The following SH3PXD2A variants were observed in gnomAD, a reference collection of about 807,000 sequenced individuals.
The protein encoded by SH3PXD2A is SH3 and PX domain-containing protein 2A.
In SH3PXD2A, 32 loss-of-function variants were observed where a neutral mutation model predicts 115.2. That is an observed-to-expected ratio of 0.28 (90% CI 0.21 to 0.37). The LOEUF (loss-of-function observed/expected upper bound fraction) is 0.37, where lower values mean the gene tolerates loss of function less well. Ranked by LOEUF, SH3PXD2A falls within the 10% of genes least tolerant of loss-of-function variation. SH3PXD2A has a pLI of 1.00. For missense variants in SH3PXD2A, 1,328 were observed against 1,498.7 expected, an observed-to-expected ratio of 0.89 and a Z score of 1.88; for synonymous variants, 610 against 629.1, an observed-to-expected ratio of 0.97 and a Z score of 0.45.
chr10:103,644,300 C>G (rs1189772964), intron 8 of SH3PXD2A, among the ~76,000 whole-genome samples: 1 of 151,844 alleles, frequency 6.6e-6, no homozygotes, highest in Non-Finnish European at 1.5e-5. Context: ...AAAGGATAGG[C>G]CAGGTGCGGT....
At chr10:103,796,341 C>T (rs753284751) in intron 2 of SH3PXD2A, among the ~76,000 whole-genome samples, 16 of 148,114 alleles carry the variant, frequency 1.1e-4, no homozygotes, top group Admixed American at 2.7e-4. Context: ...CCAGCCTGGG[C>T]GACACAGCGA....
In SH3PXD2A at chr10:103,793,999, G is replaced by T. The variant is rs532548209; in HGVS notation, c.153+7283C>A. ...CTGCAAAGTGAGGCACTTGGAATAA[G>T]AACTCCTCTAACTCTAAAAATGCAA... On this transcript the variant is annotated intron_variant, in intron 2 of 14. Coordinates refer to ENST00000369774, the MANE Select transcript of SH3PXD2A (RefSeq NM_001394015.1). 1.7e-3 allele frequency among the ~76,000 whole-genome samples: 265 copies of T among 152,278 alleles called. 7 individuals are homozygous for T. The highest frequency in any genetic ancestry group is 0.013 in the South Asian group (65 of 4,830).
chr10:103,773,853 TTCAGCC>T (rs2038854269), intron 2 of SH3PXD2A, among the ~76,000 whole-genome samples: 1 of 150,818 alleles, frequency 6.6e-6, no homozygotes, highest in Non-Finnish European at 1.5e-5. Flanking sequence ...ATCCTCCCAC[TTCAGCC>T]TCCTGAGTAG....
At chr10:103,779,704 G>A (rs2134239530) in intron 2 of SH3PXD2A, among the ~76,000 whole-genome samples, 1 of 152,250 alleles carries the variant, frequency 6.6e-6, no homozygotes, top group African/African-American at 2.4e-5. Flanking sequence ...AGGAATCCTG[G>A]CACCAGCCCA....
chr10:103,633,963 G>A (rs59828859), intron 8 of SH3PXD2A, among the ~76,000 whole-genome samples: 3,292 of 152,260 alleles, frequency 0.022, 122 homozygotes, highest in African/African-American at 0.074. Context: ...CACACAATCT[G>A]AGATACAGAC....
intron 5 of SH3PXD2A, among the ~76,000 whole-genome samples, chr10:103,711,039 A>T (rs1455084517): frequency 6.6e-6 from 1 of 152,098 alleles, no homozygotes; most frequent in Non-Finnish European, 1.5e-5. Flanking sequence ...CTTGTCTCTA[A>T]AAATAATAAT....
At chr10:103,725,537 CAG>C (rs1180591503) in intron 4 of SH3PXD2A, among the ~76,000 whole-genome samples, 3 of 152,058 alleles carry the variant, frequency 2.0e-5, no homozygotes, top group African/African-American at 7.2e-5. Flanking sequence ...AGGAGGTAGT[CAG>C]AGTTAGGCCA....
At chr10:103,847,699 G>A (rs1589483413) in intron 1 of SH3PXD2A, among the ~76,000 whole-genome samples, 1 of 152,148 alleles carries the variant, frequency 6.6e-6, no homozygotes, top group Non-Finnish European at 1.5e-5. Context: ...AGCACTTTGG[G>A]AGGCTGAGGC....
intron 3 of SH3PXD2A, among the ~76,000 whole-genome samples, chr10:103,740,124 A>G (rs1027649666): frequency 3.9e-5 from 6 of 152,322 alleles, no homozygotes; most frequent in African/African-American, 1.4e-4. Context: ...CCTGGTGCAC[A>G]CTAAGAGCTT....
Position 103,756,383 on chromosome 10 carries a change from C to T in SH3PXD2A, c.229+10711G>A, listed in dbSNP as rs1349762975. Among the ~76,000 whole-genome samples the T allele has an allele frequency of 1.3e-5, 2 of 152,092 alleles. No homozygotes were observed. The highest frequency in any genetic ancestry group is 6.5e-5 in the Admixed American group (1 of 15,282). ...TGGGAGTTTATCTCTTCCAGTGCCC[C>T]TCACCTCCTAAGAAGTTGTTGGGGG... On this transcript the variant is annotated intron_variant, in intron 3 of 14. Transcript: ENST00000369774. The surrounding 1 kb of genome is among the most constrained non-coding windows in gnomAD (Gnocchi z 4.4).
Position 103,658,932 on chromosome 10 carries a change from C to A in SH3PXD2A, c.604+2051G>T, listed in dbSNP as rs561254164. Reference sequence around the variant, plus strand: ...AAGGGACATGAAGCCCCCCAGCAGGCAGTGGCAGGTAGAATGCGGCTTCTA... The same window carrying A: ...AAGGGACATGAAGCCCCCCAGCAGGAAGTGGCAGGTAGAATGCGGCTTCTA... On this transcript the variant is annotated intron_variant, in intron 8 of 14. Transcript: ENST00000369774. 7.2e-5 allele frequency among the ~76,000 whole-genome samples: 11 copies of A among 152,358 alleles called. No homozygotes were observed. The South Asian group carries it at 2.3e-3, about 32-fold the overall frequency.
intron 7 of SH3PXD2A, among the ~76,000 whole-genome samples, chr10:103,668,223 T>C (rs2037409822): frequency 1.3e-5 from 2 of 152,366 alleles, no homozygotes; most frequent in Non-Finnish European, 2.9e-5. Flanking sequence ...AGGCTGAAGA[T>C]GGCGAAAGCC....
rs774075815 is a variant in SH3PXD2A, at chr10:103,602,028, C to T, written c.3190G>A (p.Glu1064Lys). Residue 1064 changes from glutamate to lysine, a missense_variant, in exon 15 of 15, where the codon GAG becomes AAG. This residue lies in a region of SH3PXD2A where 574 missense variants were observed against 565.7 expected (regional missense o/e 1.01). Coordinates refer to ENST00000369774, the MANE Select transcript of SH3PXD2A (RefSeq NM_001394015.1). ...PVSPVRPKPI[E>K]KSQFIHNNLK... ...TTATTGTGGATGAACTGAGACTTCT[C>T]GATGGGCTTGGGGCGCACAGGGGAC... The T allele has an allele frequency of 8.7e-6, 14 of 1,612,492 alleles. No individual in the cohort carries two copies. The highest frequency in any genetic ancestry group is 1.6e-4 in the Middle Eastern group (1 of 6,076).
intron 5 of SH3PXD2A, among the ~76,000 whole-genome samples, chr10:103,699,571 G>A (rs1227364004): frequency 6.6e-6 from 1 of 152,234 alleles, no homozygotes; most frequent in African/African-American, 2.4e-5. Context: ...AAAGGGCTGG[G>A]CGAAGGGGCT....
At chr10:103,838,421 AG>A (rs2039566831) in intron 1 of SH3PXD2A, among the ~76,000 whole-genome samples, 2 of 152,338 alleles carry the variant, frequency 1.3e-5, no homozygotes, top group South Asian at 4.1e-4. Flanking sequence ...CCAAGCACTG[AG>A]GGGGTAAGTG....
chr10:103,703,667 T>A (rs973230356), intron 5 of SH3PXD2A, among the ~76,000 whole-genome samples: 14 of 152,266 alleles, frequency 9.2e-5, no homozygotes, highest in Non-Finnish European at 2.1e-4. Flanking sequence ...ATGGTACCAC[T>A]GGCCACAGTG....
intron 1 of SH3PXD2A, 53 bp downstream of exon 1, chr10:103,855,142 C>A (rs1353567217): frequency 5.9e-6 from 8 of 1,363,676 alleles, no homozygotes; most frequent in African/African-American, 1.5e-5. Flanking sequence ...CCATCCGGGG[C>A]CCTCCCGGGA....
intron 3 of SH3PXD2A, among the ~76,000 whole-genome samples, chr10:103,737,162 C>T (rs750652406): frequency 6.6e-5 from 10 of 152,208 alleles, no homozygotes; most frequent in Admixed American, 2.0e-4. Context: ...AGAGACAGAG[C>T]CCTTTGACAT....
At chr10:103,757,172 G>C (rs1250336895) in intron 3 of SH3PXD2A, among the ~76,000 whole-genome samples, 1 of 152,232 alleles carries the variant, frequency 6.6e-6, no homozygotes, top group Non-Finnish European at 1.5e-5. Flanking sequence ...GTATTTCCAG[G>C]GGGAGGGAGT....
Sources: gnomAD v4.1 joint callset for allele counts (sites outside exome capture counted in the v4.1 genomes callset) on GRCh38, gnomAD v4.1.1 for gene constraint, gnomAD v4.1.1 regional missense constraint, Gnocchi (gnomAD v3.1) non-coding constraint, MANE v1.5 for transcripts, NCBI Gene and HGNC (gene_info 2026-07-23, HGNC 2026-07-21) for gene names.